Variants in MTA3 observed in about 807,000 individuals in gnomAD.
MTA3 encodes metastasis associated 1 family member 3.
A neutral mutation model predicts 83.5 loss-of-function variants in MTA3; 34 were observed. The observed-to-expected ratio is 0.41, with a 90% CI of 0.31 to 0.54. The LOEUF (loss-of-function observed/expected upper bound fraction) is 0.54. Ranked by LOEUF, MTA3 falls within the 20% of genes least tolerant of loss-of-function variation. The probability of loss-of-function intolerance (pLI) is 0.33; values close to 1 mark genes in which losing one functional copy is unlikely to be tolerated. For missense variants in MTA3, 761 were observed against 726.4 expected (o/e 1.05, Z -0.55); for synonymous variants, 303 against 252.7 (o/e 1.20, Z -1.89).
At chr2:42,571,566 A>G (rs1678482445) in intron 2 of MTA3, among the ~76,000 whole-genome samples, 1 of 152,152 alleles carries the variant, frequency 6.6e-6, no homozygotes, top group Non-Finnish European at 1.5e-5. Context: ...TTATGTTTAG[A>G]GTCATAATGT....
chr2:42,656,191 T>TA lies in MTA3; in HGVS notation c.500-9_500-8insA. On this transcript the variant is annotated splice_polypyrimidine_tract_variant and intron_variant, in intron 6 of 16. Transcript: ENST00000405094. ...GTAACAAGACTCCATTTTATTTATT[T>TA]TTGGACAGGAGAATCAGATGAGAGG... The TA allele has an allele frequency of 6.2e-7, 1 of 1,605,574 alleles. No individual in the cohort carries two copies. The highest frequency in any genetic ancestry group is 8.5e-7 in the Non-Finnish European group (1 of 1,172,620).
chr2:42,644,054 C>G, intron 5 of MTA3, 73 bp from the exon 6 acceptor site: 1 of 879,958 alleles, frequency 1.1e-6, no homozygotes, highest in Non-Finnish European at 1.7e-6. Context: ...TTCATTGTAG[C>G]AACATTGATT....
chr2:42,655,267 A>G (rs1456932240), intron 6 of MTA3, among the ~76,000 whole-genome samples: 1 of 152,208 alleles, frequency 6.6e-6, no homozygotes, highest in African/African-American at 2.4e-5. Context: ...ATCTTCAGTA[A>G]TGTGTTCATA....
At chr2:42,724,116 A>G (rs762166406) in intron 16 of MTA3, among the ~76,000 whole-genome samples, 61 of 152,188 alleles carry the variant, frequency 4.0e-4, no homozygotes, top group Non-Finnish European at 7.8e-4. Flanking sequence ...GGAGTGTATC[A>G]AAGTGTGAAG....
At chr2:42,650,687 C>T (rs1430426062) in intron 6 of MTA3, among the ~76,000 whole-genome samples, 1 of 152,060 alleles carries the variant, frequency 6.6e-6, no homozygotes, top group Non-Finnish European at 1.5e-5. Flanking sequence ...CCTCAGCCTC[C>T]CAAAGTGCTG....
At chr2:42,717,081 A>C (rs1009053864) in intron 14 of MTA3, among the ~76,000 whole-genome samples, 2 of 150,078 alleles carry the variant, frequency 1.3e-5, no homozygotes, top group African/African-American at 2.5e-5. Context: ...AGAATTTTTA[A>C]AAAATGCTCT....
rs980571574 is a variant in MTA3, at chr2:42,701,872, G to A, written c.1026-2322G>A. Among the ~76,000 whole-genome samples the A allele has an allele frequency of 4.0e-5, 6 of 150,880 alleles. No homozygotes were observed. The South Asian group carries it at 6.3e-4, about 16-fold the overall frequency. On this transcript the variant is annotated intron_variant, in intron 11 of 16. Coordinates refer to ENST00000405094, the MANE Select transcript of MTA3 (RefSeq NM_001330442.2). ...AGAGGTTGCAGTGAGCCGAGATCAC[G>A]CCACTGCACTCCAGCCTGGGCGAAA...
intron 16 of MTA3, among the ~76,000 whole-genome samples, chr2:42,750,680 T>C (rs1450899689): frequency 6.6e-6 from 1 of 152,202 alleles, no homozygotes; most frequent in Non-Finnish European, 1.5e-5. Flanking sequence ...GGAAGAAGGC[T>C]GGGGGCTCAC....
intron 16 of MTA3, among the ~76,000 whole-genome samples, chr2:42,727,017 C>T (rs1667873152): frequency 6.6e-6 from 1 of 152,150 alleles, no homozygotes; most frequent in African/African-American, 2.4e-5. Flanking sequence ...CACAGTGAGA[C>T]CCCAACTCTA....
chr2:42,593,066 T>C (rs963876940), intron 3 of MTA3, among the ~76,000 whole-genome samples: 5 of 151,774 alleles, frequency 3.3e-5, no homozygotes, highest in Admixed American at 1.3e-4. Context: ...GGCAGGAGAA[T>C]CGCTTGAACC....
intron 2 of MTA3, among the ~76,000 whole-genome samples, chr2:42,524,002 C>G (rs1223907562): frequency 6.6e-6 from 1 of 152,072 alleles, no homozygotes; most frequent in Non-Finnish European, 1.5e-5. Context: ...AAACCAGTAA[C>G]TTAACAAACC....
chr2:42,527,832 A>AC (rs1198414590), intron 2 of MTA3, among the ~76,000 whole-genome samples: 1 of 151,774 alleles, frequency 6.6e-6, no homozygotes, highest in Non-Finnish European at 1.5e-5. Flanking sequence ...TTTAAAAAAA[A>AC]AAAAACAAAA....
At chr2:42,562,767 T>G (rs1677730312) in intron 2 of MTA3, among the ~76,000 whole-genome samples, 1 of 152,158 alleles carries the variant, frequency 6.6e-6, no homozygotes, top group Non-Finnish European at 1.5e-5. Context: ...ACACCAGAAG[T>G]GGCTATTTCC....
chr2:42,693,728 G>C (rs1573645705), intron 9 of MTA3, among the ~76,000 whole-genome samples: 1 of 152,316 alleles, frequency 6.6e-6, no homozygotes, highest in African/African-American at 2.4e-5. Context: ...CCAAAAGCCT[G>C]CTTATTCCTC....
In MTA3 at chr2:42,756,679, G is replaced by T; in HGVS notation, c.*3280G>T. On this transcript the variant is annotated 3_prime_UTR_variant, in exon 17 of 17. Coordinates refer to ENST00000405094, the MANE Select transcript of MTA3 (RefSeq NM_001330442.2). The stretch of plus-strand genomic sequence containing the variant: ...ACTGTTGTCCCTGTTTTCCTTTGGG[G>T]GAATTTACTCAGTTAGCAGCCCCTC... 2.0e-6 allele frequency: 2 copies of T among 985,468 alleles called. No individual in the cohort carries two copies. Among genetic ancestry groups the T allele is most frequent in the Non-Finnish European group, 2.4e-6 (2 of 829,990 alleles). 61.0% of individuals were successfully genotyped at this position (985,468 alleles called of 1,614,324 possible). A position where few individuals can be genotyped will look rare whatever the true frequency, so the allele number is the denominator to read the frequency against.
At chr2:42,519,335 G>T (rs1415377715) in intron 2 of MTA3, among the ~76,000 whole-genome samples, 1 of 152,200 alleles carries the variant, frequency 6.6e-6, no homozygotes, top group Non-Finnish European at 1.5e-5. Flanking sequence ...GCCAGGCGCA[G>T]TGGCTCACAA....
At chr2:42,713,719 G>T (rs4953583) in intron 14 of MTA3, among the ~76,000 whole-genome samples, 120,668 of 152,152 alleles carry the variant, frequency 0.79, 48,741 homozygotes, top group African/African-American at 0.95. Flanking sequence ...GTCCCTTGCT[G>T]CTTTTTACTT....
At chr2:42,611,341 C>CACACACACACACACCCACA (rs1462110821) in intron 4 of MTA3, among the ~76,000 whole-genome samples, 1 of 149,514 alleles carries the variant, frequency 6.7e-6, no homozygotes, top group Non-Finnish European at 1.5e-5. Flanking sequence ...ACACACACAC[C>CACACACACACACACCCACA]CCCTCACACA....
intron 16 of MTA3, among the ~76,000 whole-genome samples, chr2:42,738,802 G>T (rs1015918858): frequency 2.6e-5 from 4 of 152,302 alleles, no homozygotes; most frequent in Non-Finnish European, 4.4e-5. Flanking sequence ...GCCCCCCAGG[G>T]CGTACCTGTT....
Sources: allele counts gnomAD v4.1 joint callset (sites outside exome capture counted in the v4.1 genomes callset), GRCh38; gene constraint gnomAD v4.1.1; transcripts MANE v1.5; gene names NCBI Gene and HGNC (gene_info 2026-07-23, HGNC 2026-07-21).